Variants in DNER observed in about 807,000 individuals in gnomAD.
The protein encoded by DNER is delta/notch like EGF repeat containing, also known as delta and Notch-like epidermal growth factor-related receptor.
DNER carries 33 observed loss-of-function variants against 78.2 expected under a neutral mutation model. The ratio of observed to expected loss-of-function variants is 0.42; its 90% confidence interval spans 0.32 to 0.56. The LOEUF (loss-of-function observed/expected upper bound fraction) is 0.56, where lower values mean the gene tolerates loss of function less well. Among genes scored for constraint, DNER ranks in the 20% least tolerant of loss-of-function variants. The pLI is 0.11. For missense variants in DNER, 918 were observed against 975.3 expected (o/e 0.94, Z 0.78); for synonymous variants, 417 against 384.8 (o/e 1.08, Z -0.98).
At chr2:229,492,429 T>A (rs924541757) in intron 6 of DNER, among the ~76,000 whole-genome samples, 3 of 152,326 alleles carry the variant, frequency 2.0e-5, no homozygotes, top group Admixed American at 2.0e-4. Flanking sequence ...GAAATGCCCA[T>A]ACCTTCCACT....
intron 7 of DNER, among the ~76,000 whole-genome samples, chr2:229,466,031 A>T (rs1044823939): frequency 2.0e-5 from 3 of 152,112 alleles, no homozygotes; most frequent in African/African-American, 7.2e-5. Flanking sequence ...GCTCATCTAA[A>T]GCAGTGTAAC....
chr2:229,633,784 G>C (rs1283230133), intron 1 of DNER, among the ~76,000 whole-genome samples: 1 of 152,220 alleles, frequency 6.6e-6, no homozygotes, highest in Non-Finnish European at 1.5e-5. Flanking sequence ...CACTGGGTAA[G>C]AGCATCCACA....
chr2:229,468,014 C>T (rs546577590), intron 7 of DNER, among the ~76,000 whole-genome samples: 2 of 152,276 alleles, frequency 1.3e-5, no homozygotes, highest in Non-Finnish European at 1.5e-5. Flanking sequence ...GGGGATAAGA[C>T]GACAGCACTG....
intron 6 of DNER, among the ~76,000 whole-genome samples, chr2:229,500,435 G>A (rs937258151): frequency 1.3e-5 from 2 of 152,120 alleles, no homozygotes; most frequent in East Asian, 1.9e-4. Context: ...TGAACACTGG[G>A]AATGCAAAGT....
intron 8 of DNER, among the ~76,000 whole-genome samples, chr2:229,423,812 T>C (rs914882004): frequency 6.6e-6 from 1 of 152,214 alleles, no homozygotes; most frequent in Non-Finnish European, 1.5e-5. Flanking sequence ...CTTCCTCAGA[T>C]AGTTTTCTGA....
At chr2:229,585,720 C>A in intron 4 of DNER, 138 bp downstream of exon 4, 1 of 882,370 alleles carries the variant, frequency 1.1e-6, no homozygotes, top group Non-Finnish European at 1.7e-6. Flanking sequence ...ATTCTAAAAC[C>A]TTACCAAAGT....
At chr2:229,367,796 T>C (rs1216888014) in intron 11 of DNER, among the ~76,000 whole-genome samples, 1 of 152,232 alleles carries the variant, frequency 6.6e-6, no homozygotes, top group East Asian at 1.9e-4. Context: ...TACAAGTTGA[T>C]ACATAACCGT....
intron 8 of DNER, among the ~76,000 whole-genome samples, chr2:229,422,145 C>T (rs1693781529): frequency 6.6e-6 from 1 of 152,080 alleles, no homozygotes; most frequent in Non-Finnish European, 1.5e-5. Context: ...AATGTCAAGG[C>T]ACCCTTTATA....
At chr2:229,540,095 G>A (rs571610314) in intron 5 of DNER, among the ~76,000 whole-genome samples, 1 of 152,324 alleles carries the variant, frequency 6.6e-6, no homozygotes, top group East Asian at 1.9e-4. Context: ...ACAACAGAAG[G>A]AAAATTCTAC....
At position 229,358,464 on chromosome 2, in the gene DNER, T is replaced by C; in HGVS notation, c.*76A>G. On this transcript the variant is annotated 3_prime_UTR_variant, in exon 13 of 13. Coordinates refer to ENST00000341772, the MANE Select transcript of DNER (RefSeq NM_139072.4). ...TTGAGCAGCTAGCATTTTAAATTTC[T>C]TAAGCTTTTTATTTTCTTAAAAATA... 1.7e-6 allele frequency: 2 copies of C among 1,197,136 alleles called. No homozygotes were observed. Among genetic ancestry groups the C allele is most frequent in the Non-Finnish European group, 2.3e-6 (2 of 880,976 alleles). The allele number at this position is 1,197,136 out of a possible 1,614,324, so 74.2% of individuals were successfully genotyped here. A position where few individuals can be genotyped will look rare whatever the true frequency, so the allele number is the denominator to read the frequency against.
chr2:229,585,745 T>C (rs891468089), intron 4 of DNER, 113 bp downstream of exon 4: 1 of 1,056,332 alleles, frequency 9.5e-7, no homozygotes, highest in Admixed American at 2.6e-5. Context: ...GAAATAGCAT[T>C]GATGGATAGA....
At chr2:229,703,550 T>A (rs1387668786) in intron 1 of DNER, among the ~76,000 whole-genome samples, 3 of 152,158 alleles carry the variant, frequency 2.0e-5, no homozygotes, top group Admixed American at 6.5e-5. Flanking sequence ...CAGACTTCAT[T>A]GGTCTCTAAA....
chr2:229,707,034 G>A (rs552202707), intron 1 of DNER, among the ~76,000 whole-genome samples: 14 of 151,842 alleles, frequency 9.2e-5, no homozygotes, highest in Admixed American at 5.2e-4. Context: ...TTTTTCCCCC[G>A]AGACAGAGTC....
intron 5 of DNER, among the ~76,000 whole-genome samples, chr2:229,542,528 C>T (rs560753861): frequency 3.3e-5 from 5 of 151,940 alleles, no homozygotes; most frequent in African/African-American, 4.8e-5. Flanking sequence ...GATGGATGAT[C>T]TAATAAAAAG....
At position 229,358,642 on chromosome 2, in the gene DNER, C is replaced by T; in HGVS notation, c.2112G>A (p.Lys704=). The T allele has an allele frequency of 6.2e-7, 1 of 1,613,144 alleles. No homozygotes were observed. Residue 704 remains lysine, a synonymous_variant, in exon 13 of 13, where the codon AAG becomes AAA. Transcript: ENST00000341772. ...IASIRHARFG[K]KSRPAMYDVS... ...CATCATACATTGCAGGCCGGGATTT[C>T]TTTCCAAACCTGAAATCAGAGAGAA...
chr2:229,630,577 G>A (rs747928499), intron 1 of DNER, among the ~76,000 whole-genome samples: 14 of 151,576 alleles, frequency 9.2e-5, no homozygotes, highest in African/African-American at 1.4e-4. Context: ...CACAGGGATC[G>A]CAAGCTAATA....
chr2:229,658,943 T>C (rs1259375434), intron 1 of DNER, among the ~76,000 whole-genome samples: 5 of 152,146 alleles, frequency 3.3e-5, no homozygotes, highest in Non-Finnish European at 5.9e-5. Flanking sequence ...ATTAGCCAGG[T>C]TTCTACTGAA....
At chr2:229,471,374 G>A (rs368869093) in intron 7 of DNER, among the ~76,000 whole-genome samples, 50 of 151,742 alleles carry the variant, frequency 3.3e-4, no homozygotes, top group African/African-American at 8.7e-4. Context: ...AAATAGTTTT[G>A]TAAATGCTTG....
rs767646633 is a variant in DNER, at chr2:229,367,030, C to T, written c.1945G>A (p.Ala649Thr). 16 of 1,613,932 alleles carry T rather than the reference C, an allele frequency of 9.9e-6. No individual in the cohort carries two copies. Among genetic ancestry groups the T allele is most frequent in the African/African-American group, 1.3e-5 (1 of 74,918 alleles). Reference sequence around the variant, plus strand: ...AGGATGATCAGCATAAGGATGAAGGCCACGCAGAGGGCTCCAATGATGATG... The same window carrying T: ...AGGATGATCAGCATAAGGATGAAGGTCACGCAGAGGGCTCCAATGATGATG... ...LYIIIGALCVAFILMLIILIV... is the reference protein window; with the variant it reads ...LYIIIGALCVTFILMLIILIV... The change falls in exon 12 of 13, where the codon GCC becomes ACC. Residue 649 changes from alanine to threonine, a missense_variant. Physicochemically the swap from Ala to Thr is moderately conservative, Grantham distance 58 (BLOSUM62 0). Transcript: ENST00000341772.
Sources: gnomAD v4.1 joint callset for allele counts (sites outside exome capture counted in the v4.1 genomes callset) on GRCh38, gnomAD v4.1.1 for gene constraint, MANE v1.5 for transcripts, NCBI Gene and HGNC (gene_info 2026-07-23, HGNC 2026-07-21) for gene names.